XXYLT1: variants seen among roughly 807,000 people sequenced by gnomAD.
XXYLT1 encodes xyloside xylosyltransferase 1, also known as UDP-xylose:alpha-xyloside alpha-1,3-xylosyltransferase.
A neutral mutation model predicts 28.9 loss-of-function variants in XXYLT1; 20 were observed. The ratio of observed to expected loss-of-function variants is 0.69; its 90% confidence interval spans 0.49 to 1.00. The LOEUF (loss-of-function observed/expected upper bound fraction) is 1.00, where lower values mean the gene tolerates loss of function less well. XXYLT1 is among the 50% of genes least tolerant of loss of function. The pLI, the probability that XXYLT1 is intolerant of heterozygous loss-of-function variation, is 0.00. For synonymous variants in XXYLT1, 257 were observed against 253.8 expected (o/e 1.01, Z -0.12); for missense variants, 542 against 560.1 (o/e 0.97, Z 0.33).
In XXYLT1 at chr3:195,076,345, C is replaced by T. The variant is rs1243949654; in HGVS notation, c.786-6234G>A. Among the ~76,000 whole-genome samples, 1 of 149,782 alleles carries T rather than the reference C, an allele frequency of 6.7e-6. No individual in the cohort carries two copies. Among genetic ancestry groups the T allele is most frequent in the Non-Finnish European group, 1.5e-5 (1 of 67,624 alleles). ...CCGCACGGGGTCACGGGGCCGACTG[C>T]GGCACAGACATTGGAACTCGACCGC... On this transcript the variant is annotated intron_variant, in intron 3 of 3. Transcript: ENST00000310380. The surrounding 1 kb of genome is among the most constrained non-coding windows in gnomAD (Gnocchi z 5.3).
rs565253523 is a variant in XXYLT1, at chr3:195,099,015, A to G, written c.786-28904T>C. ...TTGCTTCAAGCACAGACCATTCCAC[A>G]ATCACAATGTATTTACTTTCCAAAG... On this transcript the variant is annotated intron_variant, in intron 3 of 3. Coordinates refer to ENST00000310380, the MANE Select transcript of XXYLT1 (RefSeq NM_152531.5). Among the ~76,000 whole-genome samples the G allele has an allele frequency of 1.8e-4, 28 of 152,294 alleles. 1 individual carries two copies. The South Asian group carries it at 5.8e-3, about 32-fold the overall frequency.
intron 2 of XXYLT1, among the ~76,000 whole-genome samples, chr3:195,214,483 G>A (rs1723471064): frequency 6.6e-6 from 1 of 152,028 alleles, no homozygotes; most frequent in South Asian, 2.1e-4. Flanking sequence ...TCTGAAGCAA[G>A]CAGGGGCCAC....
rs554019372 is a variant in XXYLT1, at chr3:195,210,274, C to T, written c.652+16435G>A. 6.6e-6 allele frequency among the ~76,000 whole-genome samples: 1 copy of T among 152,344 alleles called. No homozygotes were observed. The highest frequency in any genetic ancestry group is 6.5e-5 in the Admixed American group (1 of 15,312). ...GAAGTCAGGACAGGACAGGACGCTG[C>T]TCTGCTGACCTCTCGCCTCTTGCTC... is the stretch of plus-strand genomic sequence containing the variant. On this transcript the variant is annotated intron_variant, in intron 2 of 3. Transcript: ENST00000310380. This position sits in a 1 kb window ranked among gnomAD's most constrained non-coding sequence, Gnocchi z 4.8.
intron 3 of XXYLT1, among the ~76,000 whole-genome samples, chr3:195,112,775 A>ACC (rs754301958): frequency 1.5e-5 from 2 of 134,262 alleles, no homozygotes; most frequent in African/African-American, 2.9e-5. Flanking sequence ...ACACACACAC[A>ACC]CCCATGCACA....
chr3:195,191,824 T>C (rs1165014663), intron 2 of XXYLT1, among the ~76,000 whole-genome samples: 1 of 152,196 alleles, frequency 6.6e-6, no homozygotes, highest in Non-Finnish European at 1.5e-5. Context: ...AAGAATTACA[T>C]ATGCATACGC....
chr3:195,265,041 G>A lies in XXYLT1; in HGVS notation c.504+5514C>T, dbSNP rs143253299. On this transcript the variant is annotated intron_variant, in intron 1 of 3. Transcript: ENST00000310380. Reference sequence around the variant, plus strand: ...CACTGTGCTCTACTCTAGCCTGCGCGGCAGACAGAAACCCTATCTCAAAAA... The same window carrying A: ...CACTGTGCTCTACTCTAGCCTGCGCAGCAGACAGAAACCCTATCTCAAAAA... Among the ~76,000 whole-genome samples, 806 of 151,790 alleles carry A rather than the reference G, an allele frequency of 5.3e-3. 19 individuals carry two copies. Among genetic ancestry groups the A allele is most frequent in the Admixed American group, 0.039 (591 of 15,248 alleles).
In XXYLT1 at chr3:195,129,094, G is replaced by C. The variant is rs1718775479; in HGVS notation, c.785+27355C>G. Among the ~76,000 whole-genome samples the C allele has an allele frequency of 6.6e-6, 1 of 152,158 alleles. No homozygotes were observed. The highest frequency in any genetic ancestry group is 2.4e-5 in the African/African-American group (1 of 41,426). The stretch of plus-strand genomic sequence containing the variant: ...ACAGATCTGTCAGTACTTAATGCTT[G>C]TTCTACCCTGGAAAAAATATTGTGT... On this transcript the variant is annotated intron_variant, in intron 3 of 3. Transcript: ENST00000310380. The surrounding 1 kb of genome is among the most constrained non-coding windows in gnomAD (Gnocchi z 4.4).
intron 3 of XXYLT1, among the ~76,000 whole-genome samples, chr3:195,117,907 C>G (rs1211898115): frequency 6.6e-6 from 1 of 152,246 alleles, no homozygotes; most frequent in Non-Finnish European, 1.5e-5. Flanking sequence ...TGGAAATTTC[C>G]AGGAAGAAGA....
At chr3:195,071,354 G>T (rs1714797559) in intron 3 of XXYLT1, among the ~76,000 whole-genome samples, 1 of 152,248 alleles carries the variant, frequency 6.6e-6, no homozygotes, top group South Asian at 2.1e-4. Context: ...AAGGTACGGG[G>T]GAATAAAACC....
At chr3:195,075,593 G>A (rs1384411266) in intron 3 of XXYLT1, among the ~76,000 whole-genome samples, 2 of 152,256 alleles carry the variant, frequency 1.3e-5, no homozygotes, top group African/African-American at 4.8e-5. Flanking sequence ...AGGCGCAGAG[G>A]CTGTGCTTTC....
At chr3:195,217,786 C>T (rs1577159633) in intron 2 of XXYLT1, among the ~76,000 whole-genome samples, 1 of 150,878 alleles carries the variant, frequency 6.6e-6, no homozygotes, top group Admixed American at 6.6e-5. Flanking sequence ...CTACCAATGA[C>T]TTTCTTCACA....
At chr3:195,081,529 A>C (rs376172016) in intron 3 of XXYLT1, among the ~76,000 whole-genome samples, 58 of 80,736 alleles carry the variant, frequency 7.2e-4, no homozygotes, top group African/African-American at 6.2e-3. Context: ...CTTGAAAAAA[A>C]ATGTACAGTG....
rs531938760 is a variant in XXYLT1 at position 195,263,939 on chromosome 3, C to G, written c.504+6616G>C. Among the ~76,000 whole-genome samples, 5 of 152,308 alleles carry G rather than the reference C, an allele frequency of 3.3e-5. 1 individual carries two copies. The highest frequency in any genetic ancestry group is 1.2e-4 in the African/African-American group (5 of 41,562). The stretch of plus-strand genomic sequence containing the variant: ...GTGTCGACGGGAAAAAGAGGAAGCA[C>G]CCCTTCTTCATTGTTCTGTGCTTCT... On this transcript the variant is annotated intron_variant, in intron 1 of 3. Transcript: ENST00000310380.
At chr3:195,224,918 C>G (rs1723984736) in intron 2 of XXYLT1, among the ~76,000 whole-genome samples, 2 of 152,232 alleles carry the variant, frequency 1.3e-5, no homozygotes, top group South Asian at 2.1e-4. Flanking sequence ...ACACCTCCAT[C>G]TGTCTGCCCT....
chr3:195,150,652 G>A lies in XXYLT1; in HGVS notation c.785+5797C>T, dbSNP rs1027489350. On this transcript the variant is annotated intron_variant, in intron 3 of 3. Coordinates refer to ENST00000310380, the MANE Select transcript of XXYLT1 (RefSeq NM_152531.5). This position sits in a 1 kb window ranked among gnomAD's most constrained non-coding sequence, Gnocchi z 4.7. ...GGGCTCACACAGCACACGGCTGCCC[G>A]CAGAGCCTGGGGAGAATGAAACCGG... Among the ~76,000 whole-genome samples, 2 of 152,288 alleles carry A rather than the reference G, an allele frequency of 1.3e-5. No individual in the cohort carries two copies. Among genetic ancestry groups the A allele is most frequent in the East Asian group, 3.9e-4 (2 of 5,184 alleles).
At chr3:195,229,713 C>G (rs138465070) in intron 1 of XXYLT1, among the ~76,000 whole-genome samples, 265 of 152,356 alleles carry the variant, frequency 1.7e-3, no homozygotes, top group African/African-American at 6.2e-3. Flanking sequence ...TTGCAAATGA[C>G]AGGATCTCAT....
At chr3:195,267,475 C>A (rs1332989902) in intron 1 of XXYLT1, among the ~76,000 whole-genome samples, 1 of 152,254 alleles carries the variant, frequency 6.6e-6, no homozygotes, top group Non-Finnish European at 1.5e-5. Context: ...ATGCTATATA[C>A]TCCAAATCCC....
chr3:195,073,014 CCT>C (rs1387601057), intron 3 of XXYLT1, among the ~76,000 whole-genome samples: 3 of 152,280 alleles, frequency 2.0e-5, no homozygotes, highest in South Asian at 2.1e-4. Flanking sequence ...GTCACGAAGC[CCT>C]CTCACACTCT....
chr3:195,221,969 C>T (rs1253082739), intron 2 of XXYLT1, among the ~76,000 whole-genome samples: 2 of 152,142 alleles, frequency 1.3e-5, no homozygotes, highest in Non-Finnish European at 2.9e-5. Context: ...CCAGCATGTC[C>T]CGCCTGGCAG....
Sources: gnomAD v4.1 joint callset for allele counts (sites outside exome capture counted in the v4.1 genomes callset) on GRCh38, gnomAD v4.1.1 for gene constraint, Gnocchi (gnomAD v3.1) non-coding constraint, MANE v1.5 for transcripts, NCBI Gene and HGNC (gene_info 2026-07-23, HGNC 2026-07-21) for gene names.